The following HIVEP3 variants were observed in gnomAD, a reference collection of about 807,000 sequenced individuals.
HIVEP3 encodes the protein HIVEP zinc finger 3, also known as transcription factor HIVEP3.
In HIVEP3, 49 loss-of-function variants were observed where a neutral mutation model predicts 152.8. The ratio of observed to expected loss-of-function variants is 0.32; its 90% CI spans 0.26 to 0.41. The LOEUF is 0.41. Among genes scored for constraint, HIVEP3 ranks in the 10% least tolerant of loss-of-function variants. HIVEP3 has a pLI of 1.00. For missense variants in HIVEP3, 2,790 were observed against 3,103.3 expected (o/e 0.90, Z 2.40); for synonymous variants, 1,269 against 1,289.0 (o/e 0.98, Z 0.33).
chr1:41,963,204 G>A (rs1000757468), intron 1 of HIVEP3, among the ~76,000 whole-genome samples: 3 of 152,080 alleles, frequency 2.0e-5, no homozygotes, highest in Non-Finnish European at 4.4e-5. Context: ...GTAGAGATGC[G>A]GTTTCACTGT....
At chr1:41,861,951 C>A (rs1643892369) in intron 1 of HIVEP3, among the ~76,000 whole-genome samples, 1 of 152,058 alleles carries the variant, frequency 6.6e-6, no homozygotes, top group African/African-American at 2.4e-5. Context: ...CTGGAAGATA[C>A]CACAAAGCAA....
intron 1 of HIVEP3, among the ~76,000 whole-genome samples, chr1:41,990,689 A>G (rs1348477916): frequency 1.3e-5 from 2 of 151,722 alleles, no homozygotes; most frequent in African/African-American, 2.4e-5. Context: ...ACAAATCAAC[A>G]GAATATATAT....
intron 1 of HIVEP3, among the ~76,000 whole-genome samples, chr1:41,856,792 G>A (rs187126862): frequency 6.6e-6 from 1 of 152,254 alleles, no homozygotes; most frequent in East Asian, 1.9e-4. Flanking sequence ...GCTTGGGGGA[G>A]GCATAAGTGA....
intron 1 of HIVEP3, among the ~76,000 whole-genome samples, chr1:41,979,226 C>T (rs1249038558): frequency 1.3e-5 from 2 of 152,192 alleles, no homozygotes; most frequent in Non-Finnish European, 2.9e-5. Flanking sequence ...GTTATCCACC[C>T]TCTGGCATTC....
chr1:41,818,698 C>G (rs1055939093), intron 1 of HIVEP3, among the ~76,000 whole-genome samples: 3 of 152,068 alleles, frequency 2.0e-5, no homozygotes, highest in African/African-American at 7.2e-5. Context: ...ATTATTATTC[C>G]CGTCTATAGG....
chr1:41,683,415 T>G (rs1379949545), intron 2 of HIVEP3, among the ~76,000 whole-genome samples: 1 of 152,246 alleles, frequency 6.6e-6, no homozygotes, highest in Non-Finnish European at 1.5e-5. Context: ...GGAACTCCTC[T>G]TAGCCACAGA....
chr1:41,561,493 C>T (rs999012242), intron 5 of HIVEP3, among the ~76,000 whole-genome samples: 18 of 151,708 alleles, frequency 1.2e-4, no homozygotes, highest in Admixed American at 2.0e-4. Context: ...CTCAGACACT[C>T]CATCTGTCCA....
intron 2 of HIVEP3, among the ~76,000 whole-genome samples, chr1:41,644,362 G>A (rs746399770): frequency 6.6e-6 from 1 of 152,236 alleles, no homozygotes; most frequent in South Asian, 2.1e-4. Context: ...AACTGGCCAC[G>A]TGACCAAGAA....
At chr1:41,849,079 G>C (rs191151325) in intron 1 of HIVEP3, 2 of 152,298 alleles carry the variant, frequency 1.3e-5, no homozygotes, top group African/African-American at 4.8e-5. Context: ...GAACAAATCC[G>C]AGACACCAGA....
chr1:41,743,824 C>T (rs561982125), intron 1 of HIVEP3, among the ~76,000 whole-genome samples: 12 of 152,216 alleles, frequency 7.9e-5, no homozygotes, highest in African/African-American at 2.4e-4. Context: ...CATCAGGCAC[C>T]TTTGCGTAAA....
At chr1:41,552,043 A>G (rs1175903024) in intron 5 of HIVEP3, among the ~76,000 whole-genome samples, 2 of 152,156 alleles carry the variant, frequency 1.3e-5, no homozygotes, top group Non-Finnish European at 2.9e-5. Context: ...CCCTCTACAC[A>G]CTGCTTTAAA....
At chr1:41,880,477 C>T (rs1182421620) in intron 1 of HIVEP3, among the ~76,000 whole-genome samples, 1 of 152,222 alleles carries the variant, frequency 6.6e-6, no homozygotes, top group East Asian at 1.9e-4. Flanking sequence ...GCAGCACCAA[C>T]TCTGTAAACA....
At chr1:41,819,039 T>C (rs937519594) in intron 1 of HIVEP3, among the ~76,000 whole-genome samples, 1 of 152,332 alleles carries the variant, frequency 6.6e-6, no homozygotes, top group Admixed American at 6.5e-5. Flanking sequence ...TTTAAAGAGA[T>C]GCATTTAAGT....
intron 1 of HIVEP3, among the ~76,000 whole-genome samples, chr1:41,840,132 C>T (rs1358001535): frequency 5.3e-5 from 8 of 152,154 alleles, no homozygotes; most frequent in South Asian, 2.1e-4. Flanking sequence ...CCACCGTCCC[C>T]GCCTCTTTGT....
intron 1 of HIVEP3, among the ~76,000 whole-genome samples, chr1:41,714,139 G>A (rs191830434): frequency 3.3e-5 from 5 of 152,334 alleles, no homozygotes; most frequent in African/African-American, 1.2e-4. Flanking sequence ...AGGGAGGGAG[G>A]GTGATCCGAG....
At chr1:41,586,556 C>A (rs1165145414) in intron 3 of HIVEP3, among the ~76,000 whole-genome samples, 3 of 141,442 alleles carry the variant, frequency 2.1e-5, no homozygotes, top group Non-Finnish European at 4.9e-5. Flanking sequence ...GCATGCCCTA[C>A]CCCCGGCATC....
Position 41,874,895 on chromosome 1 carries a change from A to G in HIVEP3, c.-801+43518T>C, listed in dbSNP as rs965538466. On this transcript the variant is annotated intron_variant, in intron 1 of 8. Coordinates refer to ENST00000372583, the MANE Select transcript of HIVEP3 (RefSeq NM_024503.5). ...TCAGGAAAAGGGCTTGCATCCTCCC[A>G]GCTGCTCACACACAACTTGGGCTGG... 4.6e-5 allele frequency among the ~76,000 whole-genome samples: 7 copies of G among 152,230 alleles called. No individual in the cohort carries two copies. In the East Asian group the frequency reaches 1.2e-3, roughly 25 times the overall value.
At chr1:41,970,826 T>C (rs1346920708) in intron 1 of HIVEP3, among the ~76,000 whole-genome samples, 1 of 152,088 alleles carries the variant, frequency 6.6e-6, no homozygotes, top group African/African-American at 2.4e-5. Flanking sequence ...ATATGAACAT[T>C]GGAGCAACCC....
At chr1:41,688,636 C>A (rs537751120) in intron 2 of HIVEP3, among the ~76,000 whole-genome samples, 1 of 152,178 alleles carries the variant, frequency 6.6e-6, no homozygotes, top group Non-Finnish European at 1.5e-5. Context: ...CATAGGGAGA[C>A]CTTAGGTGGA....
Sources: gnomAD v4.1 joint callset for allele counts (sites outside exome capture counted in the v4.1 genomes callset) on GRCh38, gnomAD v4.1.1 for gene constraint, MANE v1.5 for transcripts, NCBI Gene and HGNC (gene_info 2026-07-23, HGNC 2026-07-21) for gene names.